Variants in PEX3 observed in about 807,000 individuals in gnomAD.
PEX3 encodes the protein peroxin-3.
In PEX3, 30 loss-of-function variants were observed where a neutral mutation model predicts 55.8. The observed-to-expected ratio is 0.54, with a 90% CI of 0.40 to 0.73. The LOEUF (loss-of-function observed/expected upper bound fraction) is 0.73, where lower values mean the gene tolerates loss of function less well. PEX3 is among the 30% of genes least tolerant of loss of function. The probability of loss-of-function intolerance (pLI) is 0.00; values close to 1 mark genes in which losing one functional copy is unlikely to be tolerated. For synonymous variants in PEX3, 135 were observed against 148.4 expected (o/e 0.91, Z 0.66); for missense variants, 351 against 432.8 (o/e 0.81, Z 1.68).
intron 1 of PEX3, among the ~76,000 whole-genome samples, chr6:143,452,365 C>T (rs551654635): frequency 7.2e-5 from 11 of 152,166 alleles, no homozygotes; most frequent in South Asian, 2.1e-4. Flanking sequence ...TTAAATTATC[C>T]TAAGACTACA....
At chr6:143,474,704 C>T (rs1165916321) in intron 8 of PEX3, 82 bp from the exon 9 acceptor site, 2 of 819,840 alleles carry the variant, frequency 2.4e-6, no homozygotes, top group Non-Finnish European at 4.3e-6. Context: ...TTCCTAAACT[C>T]TTTATTTATG....
At chr6:143,456,891 A>T (rs183439818) in intron 1 of PEX3, among the ~76,000 whole-genome samples, 1 of 152,280 alleles carries the variant, frequency 6.6e-6, no homozygotes, top group Non-Finnish European at 1.5e-5. Flanking sequence ...AAAATTTCGC[A>T]CTCAGGAAAA....
chr6:143,463,307 G>T lies in PEX3; in HGVS notation c.287+310G>T, dbSNP rs554341234. On this transcript the variant is annotated intron_variant, in intron 3 of 11. Transcript: ENST00000367591. The surrounding 1 kb of genome is among the most constrained non-coding windows in gnomAD (Gnocchi z 5.7). Reference sequence around the variant, plus strand: ...TGTGAAATGTGTTCCTGAACCAGATGCTGTGAAGCTAACAAAGTTACGTTA... The same window carrying T: ...TGTGAAATGTGTTCCTGAACCAGATTCTGTGAAGCTAACAAAGTTACGTTA... Among the ~76,000 whole-genome samples, 2 of 152,294 alleles carry T rather than the reference G, an allele frequency of 1.3e-5. No individual in the cohort carries two copies. Among genetic ancestry groups the T allele is most frequent in the East Asian group, 3.9e-4 (2 of 5,186 alleles).
chr6:143,474,936 A>G, intron 9 of PEX3, 80 bp downstream of exon 9: 1 of 793,968 alleles, frequency 1.3e-6, no homozygotes. Context: ...TTTCTTGAAC[A>G]ACATGGTCGG....
intron 2 of PEX3, among the ~76,000 whole-genome samples, chr6:143,461,897 G>A (rs1183127774): frequency 5.3e-5 from 8 of 152,180 alleles, no homozygotes; most frequent in Non-Finnish European, 1.0e-4. Context: ...GCAGTGAGCC[G>A]TGATTGCACC....
At chr6:143,460,359 G>C (rs1411111689) in intron 2 of PEX3, among the ~76,000 whole-genome samples, 2 of 152,144 alleles carry the variant, frequency 1.3e-5, no homozygotes. Flanking sequence ...ACAATTCTGA[G>C]AGTAAAATGA....
At chr6:143,481,169 T>TAA (rs1029327821) in intron 10 of PEX3, among the ~76,000 whole-genome samples, 6 of 142,764 alleles carry the variant, frequency 4.2e-5, no homozygotes, top group Admixed American at 7.1e-5. Context: ...TATATATATA[T>TAA]AAAATATATA....
rs760005455 is a variant in PEX3 at position 143,450,909 on chromosome 6, G to A, written c.-134G>A. On this transcript the variant is annotated 5_prime_UTR_variant, in exon 1 of 12. Coordinates refer to ENST00000367591, the MANE Select transcript of PEX3 (RefSeq NM_003630.3). ...GGTGACAGTCTCTGCGGAAAGTCAC[G>A]TTTGTGATTTCGGGAGAGCACAGAA... 1.2e-5 allele frequency: 10 copies of A among 836,930 alleles called. No individual in the cohort carries two copies. Among genetic ancestry groups the A allele is most frequent in the Middle Eastern group, 2.5e-4 (1 of 4,076 alleles). The allele number at this position is 836,930 out of a possible 1,614,324, so 51.8% of individuals were successfully genotyped here.
chr6:143,480,695 T>C (rs996682012), intron 10 of PEX3, among the ~76,000 whole-genome samples: 1 of 152,174 alleles, frequency 6.6e-6, no homozygotes, highest in Non-Finnish European at 1.5e-5. Flanking sequence ...CATTGTTTAA[T>C]GTGTTGTGAA....
At chr6:143,470,933 A>G (rs1335425312) in intron 4 of PEX3, 28 bp from the exon 5 acceptor site, 8 of 1,600,180 alleles carry the variant, frequency 5.0e-6, no homozygotes, top group Non-Finnish European at 6.8e-6. Flanking sequence ...TAATCACAGT[A>G]CCAAATGCTT....
chr6:143,487,584 C>G lies in PEX3; in HGVS notation c.1039-1559C>G, dbSNP rs1285313660. Among the ~76,000 whole-genome samples the G allele has an allele frequency of 6.6e-6, 1 of 152,048 alleles. No individual in the cohort carries two copies. The highest frequency in any genetic ancestry group is 1.5e-5 in the Non-Finnish European group (1 of 67,976). On this transcript the variant is annotated intron_variant, in intron 11 of 11. Coordinates refer to ENST00000367591, the MANE Select transcript of PEX3 (RefSeq NM_003630.3). The surrounding 1 kb of genome is among the most constrained non-coding windows in gnomAD (Gnocchi z 5.3). The stretch of plus-strand genomic sequence containing the variant: ...AAGCACTTTTATTGTCAAGTAGAAT[C>G]TAAATTACAAAAAAAGATTGTTCTA...
chr6:143,484,894 A>G (rs1584018369), intron 10 of PEX3: 1 of 431,506 alleles, frequency 2.3e-6, no homozygotes, highest in East Asian at 4.8e-5. Context: ...TAAAAATGCA[A>G]AAACAGTGTG....
Position 143,466,912 on chromosome 6 carries a change from G to C in PEX3, c.288-1210G>C, listed in dbSNP as rs1780000282. ...TGAATATACTGTATTATATAAATTT[G>C]ACTTGGGAACCATATAAATATTTAA... On this transcript the variant is annotated intron_variant, in intron 3 of 11. Coordinates refer to ENST00000367591, the MANE Select transcript of PEX3 (RefSeq NM_003630.3). The surrounding 1 kb of genome is among the most constrained non-coding windows in gnomAD (Gnocchi z 5.4). Among the ~76,000 whole-genome samples, 1 of 151,856 alleles carries C rather than the reference G, an allele frequency of 6.6e-6. No individual in the cohort carries two copies. Among genetic ancestry groups the C allele is most frequent in the African/African-American group, 2.4e-5 (1 of 41,380 alleles).
chr6:143,480,995 G>C (rs1667654951), intron 10 of PEX3, among the ~76,000 whole-genome samples: 1 of 152,084 alleles, frequency 6.6e-6, no homozygotes, highest in Non-Finnish European at 1.5e-5. Context: ...CTGGGCGAGG[G>C]AGTGAGACCC....
intron 4 of PEX3, among the ~76,000 whole-genome samples, chr6:143,468,804 C>CT (rs1780026932): frequency 3.3e-4 from 5 of 15,128 alleles, no homozygotes; most frequent in Non-Finnish European, 7.8e-4. Context: ...AATGCTATCC[C>CT]CCCCCCCCCC....
chr6:143,459,089 A>G lies in PEX3; in HGVS notation c.78A>G (p.Val26=). The G allele has an allele frequency of 6.3e-7, 1 of 1,582,168 alleles. No individual in the cohort carries two copies. Among genetic ancestry groups the G allele is most frequent in the Non-Finnish European group, 8.7e-7 (1 of 1,150,920 alleles). ...GTACTTTTTTAATGATTGTAGGAGT[A>G]TATATTCTGGGGAAATATGGACAGA... ...CIFLGTVLGG[V]YILGKYGQKK... The change falls in exon 2 of 12, where the codon GTA becomes GTG. Residue 26 remains valine, a synonymous_variant. Coordinates refer to ENST00000367591, the MANE Select transcript of PEX3 (RefSeq NM_003630.3). The surrounding 1 kb of genome is among the most constrained non-coding windows in gnomAD (Gnocchi z 4.2).
rs1779893054 is a variant in PEX3, at chr6:143,459,654, C to G, written c.205+438C>G. Among the ~76,000 whole-genome samples the G allele has an allele frequency of 6.6e-6, 1 of 152,036 alleles. No homozygotes were observed. The highest frequency in any genetic ancestry group is 1.5e-5 in the Non-Finnish European group (1 of 68,016). On this transcript the variant is annotated intron_variant, in intron 2 of 11. Transcript: ENST00000367591. The surrounding 1 kb of genome is among the most constrained non-coding windows in gnomAD (Gnocchi z 4.2). ...ACATTTGAGCAGAAACCAAATGTTACAATGGAGGGAGCCATGTGAAATGCC... is the reference window on the plus strand; with the variant it reads ...ACATTTGAGCAGAAACCAAATGTTAGAATGGAGGGAGCCATGTGAAATGCC...
chr6:143,463,358 CT>C lies in PEX3; in HGVS notation c.287+363del, dbSNP rs1250997648. ...AATATTGTGCTTCTTTCTGAAAGAGCTTACGGTGTAATACAGCATGTGAACA... is the reference window on the plus strand; with the variant it reads ...AATATTGTGCTTCTTTCTGAAAGAGCTACGGTGTAATACAGCATGTGAACA... On this transcript the variant is annotated intron_variant, in intron 3 of 11. Coordinates refer to ENST00000367591, the MANE Select transcript of PEX3 (RefSeq NM_003630.3). This position sits in a 1 kb window ranked among gnomAD's most constrained non-coding sequence, Gnocchi z 5.7. Among the ~76,000 whole-genome samples, 7 of 152,158 alleles carry C rather than the reference CT, an allele frequency of 4.6e-5. No homozygotes were observed. The East Asian group carries it at 1.3e-3, about 29-fold the overall frequency.
rs1779993761 is a variant in PEX3, at chr6:143,466,496, ATTGTGAGTTATTG to A, written c.288-1621_288-1609del. Among the ~76,000 whole-genome samples the A allele has an allele frequency of 6.6e-6, 1 of 152,054 alleles. No individual in the cohort carries two copies. Among genetic ancestry groups the A allele is most frequent in the South Asian group, 2.1e-4 (1 of 4,824 alleles). On this transcript the variant is annotated intron_variant, in intron 3 of 11. Coordinates refer to ENST00000367591, the MANE Select transcript of PEX3 (RefSeq NM_003630.3). This position sits in a 1 kb window ranked among gnomAD's most constrained non-coding sequence, Gnocchi z 5.4. The stretch of plus-strand genomic sequence containing the variant: ...TGGCATATTACGGTTGTGCTATTTT[ATTGTGAGTTATTG>A]TTGTTAATTTTTTACACTGCCTAGT...
Sources: allele counts gnomAD v4.1 joint callset (sites outside exome capture counted in the v4.1 genomes callset), GRCh38; gene constraint gnomAD v4.1.1; non-coding constraint Gnocchi (gnomAD v3.1); transcripts MANE v1.5; gene names NCBI Gene and HGNC (gene_info 2026-07-23, HGNC 2026-07-21).